Variants in NKAIN2 observed in about 807,000 individuals in gnomAD.
NKAIN2 encodes sodium/potassium transporting ATPase interacting 2.
NKAIN2 carries 14 observed loss-of-function variants against 32.6 expected under a neutral mutation model. The observed-to-expected ratio is 0.43, with a 90% confidence interval of 0.28 to 0.67. The LOEUF is 0.67. NKAIN2 is among the 30% of genes least tolerant of loss of function. The pLI is 0.17. For missense variants in NKAIN2, 198 were observed against 258.3 expected (o/e 0.77, Z 1.60); for synonymous variants, 80 against 87.2 (o/e 0.92, Z 0.46).
intron 2 of NKAIN2, among the ~76,000 whole-genome samples, chr6:124,324,305 A>G (rs1183763597): frequency 6.6e-6 from 1 of 151,982 alleles, no homozygotes; most frequent in African/African-American, 2.4e-5. Flanking sequence ...TGTAGTTTTT[A>G]CCATACAAAT....
At chr6:124,101,389 A>C (rs1228523507) in intron 1 of NKAIN2, among the ~76,000 whole-genome samples, 1 of 152,222 alleles carries the variant, frequency 6.6e-6, no homozygotes, top group Non-Finnish European at 1.5e-5. Flanking sequence ...TAGCCGGCTA[A>C]AGGAAAGATA....
chr6:123,876,292 G>A (rs1285058629), intron 1 of NKAIN2, among the ~76,000 whole-genome samples: 1 of 152,090 alleles, frequency 6.6e-6, no homozygotes, highest in Non-Finnish European at 1.5e-5. Context: ...ATCCCATCAT[G>A]TTGTGCTCGA....
chr6:124,780,052 A>G (rs1239072522), intron 4 of NKAIN2, among the ~76,000 whole-genome samples: 1 of 152,170 alleles, frequency 6.6e-6, no homozygotes, highest in Admixed American at 6.6e-5. Context: ...AATCTAAAAA[A>G]TATTATATTA....
chr6:124,528,323 G>T (rs779358688), intron 3 of NKAIN2, among the ~76,000 whole-genome samples: 13 of 152,146 alleles, frequency 8.5e-5, no homozygotes, highest in Non-Finnish European at 1.9e-4. Context: ...TTGCCCTAAG[G>T]TTCTCTTATT....
At chr6:123,975,933 C>A (rs1778546120) in intron 1 of NKAIN2, among the ~76,000 whole-genome samples, 1 of 151,706 alleles carries the variant, frequency 6.6e-6, no homozygotes, top group Admixed American at 6.6e-5. Flanking sequence ...CGGGAGGGAC[C>A]CCGTGGGAGG....
intron 3 of NKAIN2, among the ~76,000 whole-genome samples, chr6:124,643,177 A>C (rs1784052581): frequency 6.6e-6 from 1 of 152,020 alleles, no homozygotes; most frequent in Non-Finnish European, 1.5e-5. Flanking sequence ...CTGATCAAAA[A>C]CCTTTCAATA....
At chr6:124,112,776 C>A (rs1247308887) in intron 1 of NKAIN2, among the ~76,000 whole-genome samples, 1 of 151,342 alleles carries the variant, frequency 6.6e-6, no homozygotes, top group Non-Finnish European at 1.5e-5. Flanking sequence ...TCTCTTTTTA[C>A]TCCTCCGAGT....
intron 1 of NKAIN2, among the ~76,000 whole-genome samples, chr6:123,891,333 A>G (rs1774007557): frequency 6.6e-6 from 1 of 152,198 alleles, no homozygotes; most frequent in African/African-American, 2.4e-5. Flanking sequence ...TTAAGATGGT[A>G]TATCTTACGT....
chr6:123,982,585 T>C (rs2114668433), intron 1 of NKAIN2, among the ~76,000 whole-genome samples: 1 of 152,240 alleles, frequency 6.6e-6, no homozygotes, highest in Non-Finnish European at 1.5e-5. Flanking sequence ...GATGGAAACA[T>C]AAAACCGTAC....
intron 2 of NKAIN2, among the ~76,000 whole-genome samples, chr6:124,322,180 T>C (rs1797226190): frequency 6.6e-6 from 1 of 152,128 alleles, no homozygotes; most frequent in Non-Finnish European, 1.5e-5. Context: ...AAGATGAAAA[T>C]GTTTATTTAA....
At chr6:124,626,185 T>G (rs1161082862) in intron 3 of NKAIN2, among the ~76,000 whole-genome samples, 1 of 148,708 alleles carries the variant, frequency 6.7e-6, no homozygotes, top group Admixed American at 6.7e-5. Flanking sequence ...TCTTTGCTTC[T>G]TGTATCAGTA....
At chr6:124,763,698 C>A (rs1045921760) in intron 4 of NKAIN2, among the ~76,000 whole-genome samples, 25 of 152,060 alleles carry the variant, frequency 1.6e-4, no homozygotes, top group African/African-American at 5.8e-4. Context: ...ATGTTCTCGA[C>A]ATGAAAAATA....
intron 1 of NKAIN2, among the ~76,000 whole-genome samples, chr6:123,985,044 C>T (rs569944388): frequency 7.2e-5 from 11 of 152,210 alleles, no homozygotes; most frequent in East Asian, 1.9e-4. Context: ...AGCAAATAAA[C>T]GTACAGGTGA....
intron 4 of NKAIN2, among the ~76,000 whole-genome samples, chr6:124,758,407 C>T (rs1171799603): frequency 6.6e-6 from 1 of 152,152 alleles, no homozygotes; most frequent in African/African-American, 2.4e-5. Flanking sequence ...AGACAGTCCT[C>T]TATGAGCCAG....
intron 3 of NKAIN2, among the ~76,000 whole-genome samples, chr6:124,363,607 G>A (rs559771486): frequency 6.6e-6 from 1 of 152,300 alleles, no homozygotes; most frequent in African/African-American, 2.4e-5. Flanking sequence ...GACAGGGAAG[G>A]ACTCTATAGA....
chr6:124,789,754 T>G (rs541626409), intron 4 of NKAIN2, among the ~76,000 whole-genome samples: 52 of 152,262 alleles, frequency 3.4e-4, no homozygotes, highest in African/African-American at 1.2e-3. Context: ...GACTCTATTA[T>G]ATAAAGAAGT....
At chr6:123,847,081 C>T (rs1182525193) in intron 1 of NKAIN2, among the ~76,000 whole-genome samples, 1 of 152,186 alleles carries the variant, frequency 6.6e-6, no homozygotes, top group Non-Finnish European at 1.5e-5. Flanking sequence ...TCTAAGTGTG[C>T]TTTTATCTCT....
intron 1 of NKAIN2, among the ~76,000 whole-genome samples, chr6:124,011,688 A>T (rs1452167972): frequency 6.6e-6 from 1 of 152,138 alleles, no homozygotes; most frequent in Non-Finnish European, 1.5e-5. Context: ...TATATTTCAA[A>T]TTGGCCTTTT....
chr6:124,539,851 G>A (rs1369619528), intron 3 of NKAIN2, among the ~76,000 whole-genome samples: 1 of 152,080 alleles, frequency 6.6e-6, no homozygotes, highest in Non-Finnish European at 1.5e-5. Flanking sequence ...CTCCCGAGTA[G>A]CTGGGACTAC....
Sources: gnomAD v4.1 joint callset for allele counts (sites outside exome capture counted in the v4.1 genomes callset) on GRCh38, gnomAD v4.1.1 for gene constraint, MANE v1.5 for transcripts, NCBI Gene and HGNC (gene_info 2026-07-23, HGNC 2026-07-21) for gene names.